The following ERC2 variants were observed in gnomAD, a reference collection of about 807,000 sequenced individuals.
ERC2 encodes ERC protein 2.
In ERC2, 42 loss-of-function variants were observed where a neutral mutation model predicts 114.8. The observed-to-expected ratio is 0.37, with a 90% CI of 0.29 to 0.47. ERC2 has a LOEUF of 0.47. ERC2 is among the 20% of genes least tolerant of loss of function. ERC2 has a pLI of 0.99. For missense variants in ERC2, 939 were observed against 1,150.7 expected, an observed-to-expected ratio of 0.82 and a Z score of 2.66; for synonymous variants, 454 against 425.5, an observed-to-expected ratio of 1.07 and a Z score of -0.82.
intron 17 of ERC2, among the ~76,000 whole-genome samples, chr3:55,677,793 C>T (rs150895994): frequency 6.6e-6 from 1 of 152,258 alleles, no homozygotes; most frequent in Non-Finnish European, 1.5e-5. Flanking sequence ...GATGTGCATA[C>T]ATCCACATTG....
intron 3 of ERC2, among the ~76,000 whole-genome samples, chr3:56,272,778 C>G (rs998729818): frequency 6.6e-6 from 1 of 152,028 alleles, no homozygotes. Flanking sequence ...TAATAAAAAA[C>G]AAAGAAAGAA....
intron 1 of ERC2, among the ~76,000 whole-genome samples, chr3:56,465,753 A>G (rs971470118): frequency 1.3e-5 from 2 of 152,262 alleles, no homozygotes; most frequent in Admixed American, 6.5e-5. Context: ...TTATGTTTCT[A>G]CTGGAAATAT....
chr3:56,248,294 A>G (rs1319776686), intron 3 of ERC2, among the ~76,000 whole-genome samples: 1 of 152,096 alleles, frequency 6.6e-6, no homozygotes, highest in Non-Finnish European at 1.5e-5. Context: ...GAGTCTCGCT[A>G]TATTGCCCAG....
intron 14 of ERC2, among the ~76,000 whole-genome samples, chr3:55,737,646 C>T (rs988568636): frequency 4.6e-5 from 7 of 152,164 alleles, no homozygotes; most frequent in South Asian, 4.1e-4. Flanking sequence ...ACCTCTACAA[C>T]GGCATCTTTA....
chr3:56,070,868 C>T (rs2076705021), intron 7 of ERC2, among the ~76,000 whole-genome samples: 1 of 152,198 alleles, frequency 6.6e-6, no homozygotes, highest in Non-Finnish European at 1.5e-5. Context: ...GCTGCCTCTT[C>T]CTGCCAAACC....
intron 7 of ERC2, among the ~76,000 whole-genome samples, chr3:56,044,735 G>A (rs908862326): frequency 2.0e-5 from 3 of 151,972 alleles, no homozygotes; most frequent in Non-Finnish European, 4.4e-5. Context: ...AGAGTCACCG[G>A]GGGCAGGATT....
chr3:56,178,296 T>G (rs1198388385), intron 3 of ERC2, among the ~76,000 whole-genome samples: 1 of 152,224 alleles, frequency 6.6e-6, no homozygotes, highest in African/African-American at 2.4e-5. Context: ...ATTACATTTA[T>G]CTGGCCTTTT....
chr3:55,823,167 T>C (rs1477964274), intron 14 of ERC2, among the ~76,000 whole-genome samples: 1 of 152,202 alleles, frequency 6.6e-6, no homozygotes, highest in African/African-American at 2.4e-5. Flanking sequence ...TGAGCTGGCT[T>C]CATGAGAGAG....
At chr3:55,673,101 C>T (rs967812416) in intron 17 of ERC2, among the ~76,000 whole-genome samples, 3 of 152,180 alleles carry the variant, frequency 2.0e-5, no homozygotes, top group Non-Finnish European at 4.4e-5. Context: ...TAGAAGACTT[C>T]CTCATTCTCC....
intron 15 of ERC2, 23 bp downstream of exon 15, chr3:55,734,748 A>T (rs2065516764): frequency 3.8e-6 from 6 of 1,593,420 alleles, no homozygotes; most frequent in Non-Finnish European, 5.1e-6. Context: ...AGAAAAACAC[A>T]CCTGTCTTGC....
chr3:55,968,129 A>AT lies in ERC2; in HGVS notation c.2268-17570dup, dbSNP rs1459231061. On this transcript the variant is annotated intron_variant, in intron 12 of 17. Coordinates refer to ENST00000288221, the MANE Select transcript of ERC2 (RefSeq NM_015576.3). ...TATATTTTTAATTACTTGATTTTCT[A>AT]TTATTTTCTTTTTTTAACATTATAT... 6.5e-5 allele frequency among the ~76,000 whole-genome samples: 9 copies of AT among 138,652 alleles called. No homozygotes were observed. The East Asian group carries it at 1.7e-3, about 25-fold the overall frequency. The allele number at this position is 138,652 out of a possible 152,430, so 91.0% of individuals were successfully genotyped here. A position where few individuals can be genotyped will look rare whatever the true frequency, so the allele number is the denominator to read the frequency against.
intron 3 of ERC2, among the ~76,000 whole-genome samples, chr3:56,285,278 G>C (rs1038331558): frequency 2.0e-5 from 3 of 151,774 alleles, no homozygotes; most frequent in African/African-American, 7.3e-5. Context: ...GAACGGATGG[G>C]TCACTCTATA....
In ERC2 at chr3:55,597,691, A is replaced by T. The variant is rs1395470817; in HGVS notation, c.*39+86103T>A. Among the ~76,000 whole-genome samples, 3 of 152,122 alleles carry T rather than the reference A, an allele frequency of 2.0e-5. 1 individual carries two copies. The highest frequency in any genetic ancestry group is 4.4e-5 in the Non-Finnish European group (3 of 68,042). ...CTGCCTTCCTGGCCCCACCCTTTGA[A>T]ATATAATGTATTTGCAACATCTAGC... On this transcript the variant is annotated intron_variant, in intron 17 of 17. Transcript: ENST00000288221.
chr3:56,286,436 AAAAG>A (rs1488877298), intron 3 of ERC2, among the ~76,000 whole-genome samples: 70 of 148,204 alleles, frequency 4.7e-4, no homozygotes, highest in African/African-American at 1.8e-3. Context: ...AAAAAAAAAA[AAAAG>A]GCAGAAAAAA....
chr3:55,539,802 T>C (rs1319360066), intron 17 of ERC2, among the ~76,000 whole-genome samples: 1 of 152,134 alleles, frequency 6.6e-6, no homozygotes, highest in East Asian at 1.9e-4. Flanking sequence ...TAGCCCAGAA[T>C]TGGCCAAATG....
chr3:56,219,349 C>T (rs544438890), intron 3 of ERC2, among the ~76,000 whole-genome samples: 1 of 151,892 alleles, frequency 6.6e-6, no homozygotes, highest in South Asian at 2.1e-4. Context: ...AAAAAGAAGA[C>T]TAAGAAACTC....
chr3:55,594,117 C>A (rs2058029012), intron 17 of ERC2, among the ~76,000 whole-genome samples: 1 of 152,192 alleles, frequency 6.6e-6, no homozygotes, highest in Admixed American at 6.5e-5. Context: ...TTGCTGTTGG[C>A]ACCTTTTTTC....
At chr3:56,357,992 A>C (rs1423152563) in intron 2 of ERC2, among the ~76,000 whole-genome samples, 1 of 151,750 alleles carries the variant, frequency 6.6e-6, no homozygotes, top group Non-Finnish European at 1.5e-5. Context: ...TTGTGCAAAT[A>C]ATGGATAAAG....
At chr3:56,138,051 CTTTTT>C (rs920983143) in intron 6 of ERC2, among the ~76,000 whole-genome samples, 5 of 92,630 alleles carry the variant, frequency 5.4e-5, no homozygotes, top group African/African-American at 2.0e-4. Context: ...AATGGTATTT[CTTTTT>C]TTTTTTTTTT....
Sources: gnomAD v4.1 joint callset for allele counts (sites outside exome capture counted in the v4.1 genomes callset) on GRCh38, gnomAD v4.1.1 for gene constraint, MANE v1.5 for transcripts, NCBI Gene and HGNC (gene_info 2026-07-23, HGNC 2026-07-21) for gene names.